The following BLVRA variants were observed in gnomAD, a reference collection of about 807,000 sequenced individuals.
BLVRA encodes the protein BVR A.
A neutral mutation model predicts 32.8 loss-of-function variants in BLVRA; 22 were observed. The ratio of observed to expected loss-of-function variants is 0.67; its 90% CI spans 0.48 to 0.96. The LOEUF (loss-of-function observed/expected upper bound fraction) is 0.96, where lower values mean the gene tolerates loss of function less well. Among genes scored for constraint, BLVRA ranks in the 40% least tolerant of loss-of-function variants. The pLI, the probability that BLVRA is intolerant of heterozygous loss-of-function variation, is 0.00. For missense variants in BLVRA, 323 were observed against 358.1 expected (o/e 0.90, Z 0.79); for synonymous variants, 119 against 141.3 (o/e 0.84, Z 1.12).
At chr7:43,792,579 C>A (rs1338358743) in intron 4 of BLVRA, 136 bp from the exon 5 acceptor site, 2 of 821,472 alleles carry the variant, frequency 2.4e-6, no homozygotes, top group Non-Finnish European at 4.1e-6. Context: ...GTGGCACTGA[C>A]TCCTACCCCC....
chr7:43,771,602 T>C (rs2095754710), intron 2 of BLVRA, among the ~76,000 whole-genome samples: 1 of 152,252 alleles, frequency 6.6e-6, no homozygotes, highest in African/African-American at 2.4e-5. Context: ...CCCCTTCCTC[T>C]GTTCACTCCC....
At position 43,789,249 on chromosome 7, in the gene BLVRA, C is replaced by T. The variant is rs563950285; in HGVS notation, c.134+1224C>T. ...TCTTTTTCTAGTGCTTTAGAGACAT[C>T]AGATAAATATTTACACAAAGCATAA... is the stretch of plus-strand genomic sequence containing the variant. On this transcript the variant is annotated intron_variant, in intron 3 of 7. Coordinates refer to ENST00000265523, the MANE Select transcript of BLVRA (RefSeq NM_000712.4). 3.3e-5 allele frequency among the ~76,000 whole-genome samples: 5 copies of T among 152,248 alleles called. No individual in the cohort carries two copies. The South Asian group carries it at 1.0e-3, about 32-fold the overall frequency.
chr7:43,781,459 C>T (rs1178012262), intron 2 of BLVRA, among the ~76,000 whole-genome samples: 1 of 152,146 alleles, frequency 6.6e-6, no homozygotes, highest in Non-Finnish European at 1.5e-5. Flanking sequence ...AATTCTTCAG[C>T]TGCAGCCTCC....
intron 2 of BLVRA, among the ~76,000 whole-genome samples, chr7:43,772,289 C>T (rs892821216): frequency 6.6e-6 from 1 of 152,358 alleles, no homozygotes; most frequent in Non-Finnish European, 1.5e-5. Context: ...CACATATGTT[C>T]GCATTCCCTT....
intron 6 of BLVRA, among the ~76,000 whole-genome samples, chr7:43,802,097 G>A (rs2095799316): frequency 6.6e-6 from 1 of 152,064 alleles, no homozygotes; most frequent in Non-Finnish European, 1.5e-5. Context: ...AGCCGAGATC[G>A]CACCACTGCA....
chr7:43,789,684 AC>A (rs1411444017), intron 3 of BLVRA, among the ~76,000 whole-genome samples: 1 of 82,978 alleles, frequency 1.2e-5, no homozygotes, highest in Admixed American at 1.4e-4. Flanking sequence ...GCCAGGTCAC[AC>A]CCCTGCATGA....
At chr7:43,789,988 T>C (rs1386177161) in intron 3 of BLVRA, among the ~76,000 whole-genome samples, 3 of 152,084 alleles carry the variant, frequency 2.0e-5, no homozygotes, top group Non-Finnish European at 2.9e-5. Context: ...TAGTACATAA[T>C]AGGCAAACAA....
intron 6 of BLVRA, among the ~76,000 whole-genome samples, chr7:43,800,777 G>C (rs2095797788): frequency 6.6e-6 from 1 of 152,150 alleles, no homozygotes; most frequent in South Asian, 2.1e-4. Flanking sequence ...TTTGTGCTCT[G>C]TCCCAACCTA....
intron 2 of BLVRA, among the ~76,000 whole-genome samples, chr7:43,772,747 C>A (rs1250224649): frequency 6.6e-6 from 1 of 152,132 alleles, no homozygotes; most frequent in Non-Finnish European, 1.5e-5. Context: ...AGGGGGAAGA[C>A]CCCCTTATAA....
intron 2 of BLVRA, among the ~76,000 whole-genome samples, chr7:43,784,594 A>G (rs567144962): frequency 9.2e-4 from 127 of 138,720 alleles, no homozygotes; most frequent in African/African-American, 3.1e-3. Flanking sequence ...GTCTTCACTC[A>G]TATCTTTTTT....
At position 43,782,659 on chromosome 7, in the gene BLVRA, T is replaced by TGGGAGAGAGAGAAAAATAGAG. The variant is rs1197405309; in HGVS notation, c.13-5242_13-5222dup. Reference sequence around the variant, plus strand: ...GAGGGACCCCCATATTCTGGGGACATGGGAGAGAGAGAAAAATAGAGGGAT... The same window carrying TGGGAGAGAGAGAAAAATAGAG: ...GAGGGACCCCCATATTCTGGGGACATGGGAGAGAGAGAAAAATAGAGGGGAGAGAGAGAAAAATAGAGGGAT... On this transcript the variant is annotated intron_variant, in intron 2 of 7. Transcript: ENST00000265523. Among the ~76,000 whole-genome samples the TGGGAGAGAGAGAAAAATAGAG allele has an allele frequency of 1.5e-4, 23 of 151,948 alleles. No individual in the cohort carries two copies. In the South Asian group the frequency reaches 4.8e-3, roughly 32 times the overall value.
intron 5 of BLVRA, among the ~76,000 whole-genome samples, chr7:43,796,121 C>CAAAAAAAAAAAAAA (rs371922009): frequency 3.0e-5 from 2 of 66,704 alleles, no homozygotes; most frequent in African/African-American, 6.1e-5. Flanking sequence ...CTCTGTCTCA[C>CAAAAAAAAAAAAAA]AAAAAAAAAA....
At chr7:43,795,604 G>GTA (rs1294680806) in intron 5 of BLVRA, among the ~76,000 whole-genome samples, 1 of 152,154 alleles carries the variant, frequency 6.6e-6, no homozygotes, top group Non-Finnish European at 1.5e-5. Context: ...CATTAAACAA[G>GTA]AAGAAAGATC....
chr7:43,768,555 G>T (rs2095750790), intron 1 of BLVRA, among the ~76,000 whole-genome samples: 1 of 151,670 alleles, frequency 6.6e-6, no homozygotes, highest in South Asian at 2.1e-4. Flanking sequence ...TTTTGCCAGG[G>T]TTCTGAGGAT....
intron 1 of BLVRA, among the ~76,000 whole-genome samples, chr7:43,765,398 C>A (rs1320517369): frequency 6.6e-6 from 1 of 152,006 alleles, no homozygotes; most frequent in Admixed American, 6.6e-5. Context: ...ATTACAGGCT[C>A]GTGCCACCAC....
intron 2 of BLVRA, among the ~76,000 whole-genome samples, chr7:43,775,623 A>C (rs1459329750): frequency 6.6e-6 from 1 of 152,174 alleles, no homozygotes; most frequent in East Asian, 1.9e-4. Flanking sequence ...TGTCTCTGCC[A>C]GGCTTTGGTA....
At chr7:43,762,734 C>G (rs2095743797) in intron 1 of BLVRA, among the ~76,000 whole-genome samples, 1 of 151,158 alleles carries the variant, frequency 6.6e-6, no homozygotes, top group Admixed American at 6.6e-5. Context: ...GCCTCAGCCT[C>G]CCGAGTAGCT....
At chr7:43,774,040 C>T (rs1486711181) in intron 2 of BLVRA, among the ~76,000 whole-genome samples, 1 of 152,064 alleles carries the variant, frequency 6.6e-6, no homozygotes, top group Non-Finnish European at 1.5e-5. Flanking sequence ...TGGATATTAG[C>T]CCTTTGTCAG....
At chr7:43,766,396 A>G (rs986145748) in intron 1 of BLVRA, among the ~76,000 whole-genome samples, 3 of 152,186 alleles carry the variant, frequency 2.0e-5, no homozygotes, top group Non-Finnish European at 4.4e-5. Flanking sequence ...AAAAGTTAGA[A>G]AATAGAATGT....
Sources: allele counts gnomAD v4.1 joint callset (sites outside exome capture counted in the v4.1 genomes callset), GRCh38; gene constraint gnomAD v4.1.1; transcripts MANE v1.5; gene names NCBI Gene and HGNC (gene_info 2026-07-23, HGNC 2026-07-21).